Variants in PRKG2 observed in about 807,000 individuals in gnomAD.
The protein encoded by PRKG2 is protein kinase cGMP-dependent 2.
In PRKG2, 33 loss-of-function variants were observed where a neutral mutation model predicts 97.2. That is an observed-to-expected ratio of 0.34 (90% CI 0.26 to 0.45). The LOEUF (loss-of-function observed/expected upper bound fraction) is 0.45. Ranked by LOEUF, PRKG2 falls within the 20% of genes least tolerant of loss-of-function variation. The pLI is 1.00. For missense variants in PRKG2, 638 were observed against 900.0 expected (o/e 0.71, Z 3.73); for synonymous variants, 330 against 321.8 (o/e 1.03, Z -0.27).
At chr4:81,091,352 G>A (rs1198090131) in intron 18 of PRKG2, among the ~76,000 whole-genome samples, 1 of 151,810 alleles carries the variant, frequency 6.6e-6, no homozygotes, top group Non-Finnish European at 1.5e-5. Flanking sequence ...GCGTGATCTC[G>A]GCTCACTGCA....
At position 81,156,771 on chromosome 4, in the gene PRKG2, G is replaced by A. The variant is rs559813045; in HGVS notation, c.913-3050C>T. Reference sequence around the variant, plus strand: ...CAATCAAACTAGAACTCAGGATTAAGAATCTCACTCAAAACCGCCAACTAC... The same window carrying A: ...CAATCAAACTAGAACTCAGGATTAAAAATCTCACTCAAAACCGCCAACTAC... On this transcript the variant is annotated intron_variant, in intron 6 of 18. Transcript: ENST00000264399. Among the ~76,000 whole-genome samples, 20 of 152,318 alleles carry A rather than the reference G, an allele frequency of 1.3e-4. No homozygotes were observed. In the East Asian group the frequency reaches 1.3e-3, roughly 10 times the overall value.
intron 11 of PRKG2, among the ~76,000 whole-genome samples, chr4:81,142,197 A>G (rs945420767): frequency 1.3e-5 from 2 of 152,220 alleles, no homozygotes; most frequent in Non-Finnish European, 2.9e-5. Flanking sequence ...AGGCACAACT[A>G]AAATCAGGCT....
At chr4:81,106,121 A>C (rs1296005092) in intron 15 of PRKG2, among the ~76,000 whole-genome samples, 186 bp from the exon 16 acceptor site, 1 of 152,188 alleles carries the variant, frequency 6.6e-6, no homozygotes, top group Non-Finnish European at 1.5e-5. Context: ...AATATCGCTT[A>C]GCACACAATA....
upstream of PRKG2, among the ~76,000 whole-genome samples, chr4:81,217,808 A>G (rs1754324118): frequency 6.6e-6 from 1 of 152,220 alleles, no homozygotes; most frequent in African/African-American, 2.4e-5. Flanking sequence ...TTATAAGGAA[A>G]CTTACTGTTT....
rs376603793 is a variant in PRKG2, at chr4:81,206,117, A to C, written c.-13-1057T>G. 1.3e-4 allele frequency among the ~76,000 whole-genome samples: 20 copies of C among 152,398 alleles called. 1 individual carries two copies. In the East Asian group the frequency reaches 3.3e-3, roughly 25 times the overall value. On this transcript the variant is annotated intron_variant, in intron 1 of 18. Transcript: ENST00000264399. ...TAAATCATCTGCAGATAATAAGCACACACGAGCAGACTCACAAAAGTAGAA... is the reference window on the plus strand; with the variant it reads ...TAAATCATCTGCAGATAATAAGCACCCACGAGCAGACTCACAAAAGTAGAA...
chr4:81,153,381 C>A, intron 7 of PRKG2: 1 of 308,324 alleles, frequency 3.2e-6, no homozygotes, highest in Admixed American at 4.7e-5. Context: ...ATCCAGCCAT[C>A]TCATATACAA....
At chr4:81,139,078 G>A (rs1315320100) in intron 12 of PRKG2, among the ~76,000 whole-genome samples, 2 of 152,148 alleles carry the variant, frequency 1.3e-5, no homozygotes, top group African/African-American at 4.8e-5. Context: ...GAAAGCATAA[G>A]ATGGCTTACA....
At chr4:81,217,031 G>GTGTATA (rs1553933203), upstream of PRKG2, among the ~76,000 whole-genome samples, 3 of 115,296 alleles carry the variant, frequency 2.6e-5, no homozygotes, top group African/African-American at 1.1e-4. Context: ...TATATATTTT[G>GTGTATA]TATATATATA....
chr4:81,096,965 A>C (rs1476776749), intron 17 of PRKG2, among the ~76,000 whole-genome samples: 1 of 152,216 alleles, frequency 6.6e-6, no homozygotes, highest in Non-Finnish European at 1.5e-5. Flanking sequence ...TAGAATGGTG[A>C]ATTCTTTACA....
At chr4:81,107,283 G>A (rs2062933601) in intron 15 of PRKG2, among the ~76,000 whole-genome samples, 1 of 152,162 alleles carries the variant, frequency 6.6e-6, no homozygotes. Context: ...AAGGCTCAAA[G>A]TGTGACTTGC....
intron 2 of PRKG2, among the ~76,000 whole-genome samples, chr4:81,186,524 AG>A (rs1037987000): frequency 6.6e-6 from 1 of 152,232 alleles, no homozygotes; most frequent in African/African-American, 2.4e-5. Context: ...AAAGTGGGAA[AG>A]ATCTAAAATT....
chr4:81,103,669 A>G (rs568971502), intron 17 of PRKG2, among the ~76,000 whole-genome samples: 150 of 152,268 alleles, frequency 9.9e-4, no homozygotes, highest in African/African-American at 3.4e-3. Context: ...TTAGAATGTA[A>G]TTCCTTCACA....
At chr4:81,147,399 C>A (rs1462722991) in intron 9 of PRKG2, among the ~76,000 whole-genome samples, 1 of 152,112 alleles carries the variant, frequency 6.6e-6, no homozygotes, top group Non-Finnish European at 1.5e-5. Flanking sequence ...ATATATTTTC[C>A]ATTTGAGAGT....
chr4:81,174,907 G>A lies in PRKG2; in HGVS notation c.514C>T (p.Leu172=), dbSNP rs1213079024. Residue 172 remains leucine, a synonymous_variant, in exon 3 of 19, where the codon CTG becomes TTG. Coordinates refer to ENST00000264399, the MANE Select transcript of PRKG2 (RefSeq NM_006259.3). The stretch of plus-strand genomic sequence containing the variant: ...ATGTCTTTGATCTGCTGAGGATCCA[G>A]TCTTTTCAGAAACTGATTTTTATTA... ...ALNKNQFLKR[L]DPQQIKDMVE... 3.7e-6 allele frequency: 6 copies of A among 1,612,590 alleles called. No homozygotes were observed. The highest frequency in any genetic ancestry group is 1.3e-5 in the African/African-American group (1 of 74,854).
chr4:81,110,567 T>C lies in PRKG2; in HGVS notation c.1821A>G (p.Thr607=), dbSNP rs762710749. The stretch of plus-strand genomic sequence containing the variant: ...ATTCTGGAGTCCCACAGAATGTCCA[T>C]GTTTTCTGTCCAGACCCTATTTTCT... ...FAKKIGSGQK[T]WTFCGTPEYV... The change falls in exon 15 of 19, where the codon ACA becomes ACG. Residue 607 remains threonine (T), a synonymous_variant. Coordinates refer to ENST00000264399, the MANE Select transcript of PRKG2 (RefSeq NM_006259.3). 3 of 1,613,676 alleles carry C rather than the reference T, an allele frequency of 1.9e-6. No individual in the cohort carries two copies. Among genetic ancestry groups the C allele is most frequent in the South Asian group, 2.2e-5 (2 of 91,062 alleles).
chr4:81,145,565 C>G (rs753933059), intron 9 of PRKG2, among the ~76,000 whole-genome samples: 3 of 152,116 alleles, frequency 2.0e-5, no homozygotes, highest in Non-Finnish European at 2.9e-5. Context: ...GATCTAATCA[C>G]TCTGTCTCCT....
intron 2 of PRKG2, among the ~76,000 whole-genome samples, chr4:81,183,601 T>C (rs1461105185): frequency 1.3e-5 from 2 of 151,986 alleles, no homozygotes; most frequent in African/African-American, 4.8e-5. Flanking sequence ...AGGAATTTTT[T>C]TTTTTCATAC....
intron 13 of PRKG2, among the ~76,000 whole-genome samples, chr4:81,135,838 T>C (rs1476990740): frequency 6.6e-6 from 1 of 152,096 alleles, no homozygotes; most frequent in African/African-American, 2.4e-5. Flanking sequence ...TGGATTTTTT[T>C]TTTTTAATGC....
At chr4:81,106,861 T>C (rs1002432253) in intron 15 of PRKG2, among the ~76,000 whole-genome samples, 3 of 152,142 alleles carry the variant, frequency 2.0e-5, no homozygotes, top group Admixed American at 6.6e-5. Context: ...CATGTGAGGA[T>C]ACAAGGAGAA....
Sources: gnomAD v4.1 joint callset for allele counts (sites outside exome capture counted in the v4.1 genomes callset) on GRCh38, gnomAD v4.1.1 for gene constraint, MANE v1.5 for transcripts, NCBI Gene and HGNC (gene_info 2026-07-23, HGNC 2026-07-21) for gene names.